The following KCNT2 variants were observed in gnomAD, a reference collection of about 807,000 sequenced individuals.
KCNT2 encodes potassium sodium-activated channel subfamily T member 2.
KCNT2 carries 67 observed loss-of-function variants against 153.8 expected under a neutral mutation model. The ratio of observed to expected loss-of-function variants is 0.44; its 90% CI spans 0.36 to 0.53. The LOEUF (loss-of-function observed/expected upper bound fraction) is 0.53. Among genes scored for constraint, KCNT2 ranks in the 20% least tolerant of loss-of-function variants. The pLI is 0.00. For missense variants in KCNT2, 975 were observed against 1,354.8 expected (o/e 0.72, Z 4.40); for synonymous variants, 500 against 458.8 (o/e 1.09, Z -1.15).
At chr1:196,455,450 G>A (rs1199795255) in intron 8 of KCNT2, among the ~76,000 whole-genome samples, 1 of 151,916 alleles carries the variant, frequency 6.6e-6, no homozygotes, top group Admixed American at 6.6e-5. Context: ...AGCACTATAT[G>A]CTGAGATGGT....
intron 25 of KCNT2, among the ~76,000 whole-genome samples, chr1:196,265,184 G>T (rs1345567828): frequency 2.6e-5 from 4 of 152,184 alleles, no homozygotes; most frequent in East Asian, 3.9e-4. Context: ...CACAGCAAGG[G>T]GTATCTAGGC....
At chr1:196,590,141 T>TG (rs1663168554) in intron 1 of KCNT2, among the ~76,000 whole-genome samples, 7 of 152,152 alleles carry the variant, frequency 4.6e-5, no homozygotes, top group Admixed American at 4.6e-4. Flanking sequence ...GACCCTCTAG[T>TG]CTTTGGGAAA....
chr1:196,367,836 A>C (rs1397598266), intron 14 of KCNT2, among the ~76,000 whole-genome samples: 1 of 152,200 alleles, frequency 6.6e-6, no homozygotes, highest in Non-Finnish European at 1.5e-5. Context: ...ATATGTTAAA[A>C]GGCAATGAGT....
intron 13 of KCNT2, among the ~76,000 whole-genome samples, chr1:196,389,390 A>T (rs933944480): frequency 6.6e-6 from 1 of 151,528 alleles, no homozygotes; most frequent in African/African-American, 2.4e-5. Flanking sequence ...TATTTTCTGG[A>T]TATAAGCTTG....
intron 12 of KCNT2, among the ~76,000 whole-genome samples, chr1:196,409,147 T>C (rs1672081269): frequency 6.6e-6 from 1 of 151,266 alleles, no homozygotes; most frequent in African/African-American, 2.4e-5. Flanking sequence ...TGAGTTCTTG[T>C]CCATGATTCT....
intron 14 of KCNT2, chr1:196,342,950 GC>G (rs1426104425): frequency 1.3e-5 from 2 of 152,098 alleles, no homozygotes; most frequent in Non-Finnish European, 2.9e-5. Flanking sequence ...TGAGAGTGGA[GC>G]CCTCAGGAAT....
chr1:196,477,040 C>A (rs955416142), intron 5 of KCNT2, among the ~76,000 whole-genome samples: 1 of 152,062 alleles, frequency 6.6e-6, no homozygotes, highest in African/African-American at 2.4e-5. Context: ...TTCTAACATC[C>A]TATGTCTTCT....
chr1:196,555,386 G>A (rs569534256), intron 1 of KCNT2, among the ~76,000 whole-genome samples: 2 of 151,052 alleles, frequency 1.3e-5, no homozygotes, highest in South Asian at 4.1e-4. Flanking sequence ...AAATCAAAAA[G>A]CAATTCCATT....
In KCNT2 at chr1:196,236,045, G is replaced by A. The variant is rs367996950; in HGVS notation, c.3237C>T (p.Thr1079=). ...GYDEMNDHQS[T]LSYILINPSP... ...ATGGGTTAATCAGGATGTAGGAGAG[G>A]GTACTTTGATGATCATTCATTTCAT... The change falls in exon 27 of 28, where the codon ACC becomes ACT. Residue 1079 remains threonine (T), a synonymous_variant. Transcript: ENST00000294725. 38 of 1,599,476 alleles carry A rather than the reference G, an allele frequency of 2.4e-5. No individual in the cohort carries two copies. Among genetic ancestry groups the A allele is most frequent in the South Asian group, 1.4e-4 (13 of 90,696 alleles).
chr1:196,429,009 T>A (rs1302109373), intron 9 of KCNT2, among the ~76,000 whole-genome samples: 1 of 63,468 alleles, frequency 1.6e-5, no homozygotes, highest in African/African-American at 6.0e-5. Context: ...ATGTTCAGAC[T>A]TTTTTTTTTT....
chr1:196,393,762 A>T lies in KCNT2; in HGVS notation c.1294+4801T>A, dbSNP rs1670684604. Among the ~76,000 whole-genome samples, 5 of 151,432 alleles carry T rather than the reference A, an allele frequency of 3.3e-5. No individual in the cohort carries two copies. The Admixed American group carries it at 3.3e-4, about 10-fold the overall frequency. On this transcript the variant is annotated intron_variant, in intron 13 of 27. Transcript: ENST00000294725. ...ATCGTGGTTTGCAACTGAGGAGGGG[A>T]ATTTATGAAGGGTTCCACAACATGG...
chr1:196,256,206 A>C (rs926846737), intron 26 of KCNT2, among the ~76,000 whole-genome samples: 1 of 151,938 alleles, frequency 6.6e-6, no homozygotes, highest in African/African-American at 2.4e-5. Flanking sequence ...AGATTTTCAA[A>C]ATTTACTGAA....
intron 22 of KCNT2, among the ~76,000 whole-genome samples, chr1:196,296,379 G>A (rs1312289400): frequency 6.6e-6 from 1 of 151,914 alleles, no homozygotes; most frequent in Non-Finnish European, 1.5e-5. Flanking sequence ...ATCTGATACA[G>A]TTTGATTATA....
intron 1 of KCNT2, among the ~76,000 whole-genome samples, chr1:196,602,509 G>A (rs528157577): frequency 1.4e-4 from 21 of 152,184 alleles, no homozygotes; most frequent in Non-Finnish European, 2.4e-4. Context: ...ACTCACAGAA[G>A]TACTACTAAT....
At chr1:196,495,399 C>T (rs893447862) in intron 1 of KCNT2, among the ~76,000 whole-genome samples, 2 of 151,958 alleles carry the variant, frequency 1.3e-5, no homozygotes, top group African/African-American at 4.8e-5. Flanking sequence ...AGTGGTTACC[C>T]TTCCCAAAGT....
intron 1 of KCNT2, among the ~76,000 whole-genome samples, chr1:196,577,898 T>C (rs755940816): frequency 3.3e-5 from 5 of 152,138 alleles, no homozygotes; most frequent in Non-Finnish European, 7.4e-5. Context: ...TAAAAATTAT[T>C]AGAAATGCAA....
intron 1 of KCNT2, among the ~76,000 whole-genome samples, chr1:196,578,287 T>A (rs1661608502): frequency 6.6e-6 from 1 of 151,690 alleles, no homozygotes. Context: ...ACGGACAGGA[T>A]GTTAGATAGC....
intron 26 of KCNT2, among the ~76,000 whole-genome samples, chr1:196,239,255 T>A (rs982994424): frequency 6.6e-6 from 1 of 151,862 alleles, no homozygotes; most frequent in Non-Finnish European, 1.5e-5. Flanking sequence ...AATAAAAAAA[T>A]TATAAGTTTA....
chr1:196,382,582 G>C (rs1057174166), intron 13 of KCNT2, among the ~76,000 whole-genome samples: 5 of 152,056 alleles, frequency 3.3e-5, no homozygotes, highest in African/African-American at 1.2e-4. Flanking sequence ...TGCTGAGGTT[G>C]CTGATAGGGT....
Sources: allele counts gnomAD v4.1 joint callset (sites outside exome capture counted in the v4.1 genomes callset), GRCh38; gene constraint gnomAD v4.1.1; transcripts MANE v1.5; gene names NCBI Gene and HGNC (gene_info 2026-07-23, HGNC 2026-07-21).